KCNN2: variants seen among roughly 807,000 people sequenced by gnomAD.
The protein encoded by KCNN2 is potassium calcium-activated channel subfamily N member 2.
Under a neutral mutation model 55.5 loss-of-function variants are expected in KCNN2, and 24 were observed. The observed-to-expected ratio is 0.43, with a 90% CI of 0.31 to 0.61. KCNN2 has a LOEUF of 0.61. KCNN2 is among the 20% of genes least tolerant of loss of function. The probability of loss-of-function intolerance (pLI) is 0.08; values close to 1 mark genes in which losing one functional copy is unlikely to be tolerated. For missense variants in KCNN2, 754 were observed against 853.6 expected (o/e 0.88, Z 1.45); for synonymous variants, 431 against 336.1 (o/e 1.28, Z -3.09).
chr5:114,329,987 T>C (rs950261298), intron 2 of KCNN2, among the ~76,000 whole-genome samples: 16 of 150,588 alleles, frequency 1.1e-4, no homozygotes, highest in Non-Finnish European at 2.1e-4. Flanking sequence ...CCCTCTAATC[T>C]AGGTTTGCAA....
chr5:114,459,850 G>T (rs2150112048), intron 3 of KCNN2, among the ~76,000 whole-genome samples: 1 of 152,260 alleles, frequency 6.6e-6, no homozygotes, highest in African/African-American at 2.4e-5. Flanking sequence ...ACAGCATATA[G>T]TAAATATTAA....
At chr5:114,083,490 C>T (rs1750945511) in intron 1 of KCNN2, among the ~76,000 whole-genome samples, 2 of 151,898 alleles carry the variant, frequency 1.3e-5, no homozygotes, top group South Asian at 4.1e-4. Context: ...TTTTCCTTAT[C>T]ATTTCCTTGT....
At chr5:114,406,140 C>T (rs1217657200) in intron 3 of KCNN2, among the ~76,000 whole-genome samples, 1 of 151,102 alleles carries the variant, frequency 6.6e-6, no homozygotes, top group Non-Finnish European at 1.5e-5. Flanking sequence ...CTGACCACCC[C>T]CCAGCCCATT....
In KCNN2 at chr5:114,159,214, G is replaced by T. The variant is rs372197157; in HGVS notation, c.-270-62266G>T. Among the ~76,000 whole-genome samples the T allele has an allele frequency of 2.0e-5, 3 of 152,060 alleles. No individual in the cohort carries two copies. In the East Asian group the frequency reaches 5.8e-4, roughly 29 times the overall value. On this transcript the variant is annotated intron_variant, in intron 1 of 10. Coordinates refer to the KCNN2 transcript ENST00000512097. ...TTTATTGAGAGTTTTTAGCATGAAG[G>T]GTTGTTGAATTTTGTCAAAGGCCTT...
In KCNN2 at chr5:114,484,808, T is replaced by C. The variant is rs114100608; in HGVS notation, c.1891-2242T>C. Among the ~76,000 whole-genome samples the C allele has an allele frequency of 6.7e-3, 1,018 of 152,294 alleles. 16 individuals carry two copies. Among genetic ancestry groups the C allele is most frequent in the African/African-American group, 0.023 (947 of 41,568 alleles). On this transcript the variant is annotated intron_variant, in intron 5 of 7. Transcript: ENST00000673685. ...GGGAATTAGAAAGGGGATGGGATGTTTCAAAATAAATTCCTGTATTTAGAA... is the reference window on the plus strand; with the variant it reads ...GGGAATTAGAAAGGGGATGGGATGTCTCAAAATAAATTCCTGTATTTAGAA...
chr5:114,165,972 G>T (rs960722119), intron 1 of KCNN2, among the ~76,000 whole-genome samples: 1 of 151,976 alleles, frequency 6.6e-6, no homozygotes, highest in South Asian at 2.1e-4. Flanking sequence ...GACTTTGCTA[G>T]TTGATAAGAA....
chr5:114,236,821 C>G (rs750689506), intron 2 of KCNN2, among the ~76,000 whole-genome samples: 2 of 151,996 alleles, frequency 1.3e-5, no homozygotes, highest in African/African-American at 4.8e-5. Flanking sequence ...TATACACATA[C>G]TTGCTTTATT....
chr5:114,233,717 G>T (rs1195147164), intron 2 of KCNN2, among the ~76,000 whole-genome samples: 2 of 152,234 alleles, frequency 1.3e-5, no homozygotes, highest in East Asian at 1.9e-4. Context: ...AATCAATTAA[G>T]ATTAACCACA....
chr5:114,486,052 AAAGTC>A (rs1762425289), intron 5 of KCNN2, among the ~76,000 whole-genome samples: 1 of 152,164 alleles, frequency 6.6e-6, no homozygotes, highest in African/African-American at 2.4e-5. Context: ...TGGTTAGTGC[AAAGTC>A]AAGTACGTAG....
chr5:114,404,488 T>C lies in KCNN2; in HGVS notation c.1269T>C (p.Tyr423=), dbSNP rs771450706. Residue 423 remains tyrosine (Y), a synonymous_variant, in exon 3 of 8, where the codon TAT becomes TAC. Coordinates refer to ENST00000673685, the MANE Select transcript of KCNN2 (RefSeq NM_021614.4). ...ATGACTGGAGAATAGCCATGACTTA[T>C]GAGCGTATTTTCTTCATCTGCTTGG... is the stretch of plus-strand genomic sequence containing the variant. The part of the protein sequence containing the change: ...GADDWRIAMT[Y]ERIFFICLEI... 8 of 1,613,536 alleles carry C rather than the reference T, an allele frequency of 5.0e-6. No individual in the cohort carries two copies. The highest frequency in any genetic ancestry group is 1.3e-5 in the African/African-American group (1 of 74,932).
intron 1 of KCNN2, among the ~76,000 whole-genome samples, chr5:114,132,341 C>T (rs967513187): frequency 3.3e-5 from 5 of 152,090 alleles, no homozygotes; most frequent in African/African-American, 1.2e-4. Context: ...TTTCAATTGT[C>T]TGTATATGAC....
chr5:114,159,963 T>C (rs565543337), intron 1 of KCNN2, among the ~76,000 whole-genome samples: 102 of 152,284 alleles, frequency 6.7e-4, no homozygotes, highest in South Asian at 2.5e-3. Flanking sequence ...AGCTCCTGGA[T>C]TCATTGATTT....
At chr5:114,365,465 G>C (rs1455701079) in intron 2 of KCNN2, among the ~76,000 whole-genome samples, 1 of 152,154 alleles carries the variant, frequency 6.6e-6, no homozygotes, top group Non-Finnish European at 1.5e-5. Context: ...TTGACTTGAA[G>C]AGTAGACAAT....
intron 2 of KCNN2, among the ~76,000 whole-genome samples, chr5:114,321,466 CTT>C (rs546434118): frequency 4.9e-4 from 75 of 152,232 alleles, no homozygotes; most frequent in Admixed American, 2.0e-3. Flanking sequence ...GAATACAACT[CTT>C]TTGTCTATAA....
chr5:114,415,500 A>G (rs1759277523), intron 3 of KCNN2, among the ~76,000 whole-genome samples: 5 of 152,240 alleles, frequency 3.3e-5, no homozygotes, highest in Admixed American at 2.6e-4. Context: ...GAATATACAC[A>G]TATGTGTATG....
intron 2 of KCNN2, among the ~76,000 whole-genome samples, chr5:114,343,366 C>T (rs1757051978): frequency 6.6e-6 from 1 of 151,942 alleles, no homozygotes; most frequent in African/African-American, 2.4e-5. Context: ...TACTATTTTC[C>T]AAGTTCTAAT....
At chr5:114,279,314 T>TA (rs2150012086) in intron 2 of KCNN2, among the ~76,000 whole-genome samples, 1 of 152,230 alleles carries the variant, frequency 6.6e-6, no homozygotes, top group South Asian at 2.1e-4. Context: ...CTTTTTTTTT[T>TA]ATTATACTTT....
At chr5:114,457,765 T>C (rs962618177) in intron 3 of KCNN2, among the ~76,000 whole-genome samples, 1 of 152,152 alleles carries the variant, frequency 6.6e-6, no homozygotes, top group African/African-American at 2.4e-5. Context: ...GAGGGAGACC[T>C]CCAGGCAGTG....
At chr5:114,224,736 T>TTTC in intron 2 of KCNN2, among the ~76,000 whole-genome samples, 1 of 152,312 alleles carries the variant, frequency 6.6e-6, no homozygotes, top group Non-Finnish European at 1.5e-5. Flanking sequence ...CAGCCTCCCC[T>TTTC]TTCTTCTCCG....
Sources: gnomAD v4.1 joint callset for allele counts (sites outside exome capture counted in the v4.1 genomes callset) on GRCh38, gnomAD v4.1.1 for gene constraint, MANE v1.5 for transcripts, NCBI Gene and HGNC (gene_info 2026-07-23, HGNC 2026-07-21) for gene names.